TMEM178A: variants seen among roughly 807,000 people sequenced by gnomAD.
TMEM178A encodes transmembrane protein 178A, also known as transmembrane protein 178.
A neutral mutation model predicts 29.1 loss-of-function variants in TMEM178A; 12 were observed. That is an observed-to-expected ratio of 0.41 (90% CI 0.26 to 0.67). The LOEUF (loss-of-function observed/expected upper bound fraction) is 0.67, where lower values mean the gene tolerates loss of function less well. Ranked by LOEUF, TMEM178A falls within the 30% of genes least tolerant of loss-of-function variation. The probability of loss-of-function intolerance (pLI) is 0.29; values close to 1 mark genes in which losing one functional copy is unlikely to be tolerated. For missense variants in TMEM178A, 366 were observed against 419.1 expected (o/e 0.87, Z 1.11); for synonymous variants, 210 against 187.2 (o/e 1.12, Z -0.99).
At chr2:39,686,963 A>G (rs891406358) in intron 1 of TMEM178A, among the ~76,000 whole-genome samples, 1 of 120,258 alleles carries the variant, frequency 8.3e-6, no homozygotes, top group Non-Finnish European at 1.7e-5. Context: ...GCACATATGC[A>G]TGTGTGTGTG....
chr2:39,701,711 A>G (rs1385629533), intron 1 of TMEM178A, among the ~76,000 whole-genome samples: 1 of 152,044 alleles, frequency 6.6e-6, no homozygotes, highest in Non-Finnish European at 1.5e-5. Flanking sequence ...TGAGGCCCTG[A>G]CCATTTTTTA....
downstream of TMEM178A, among the ~76,000 whole-genome samples, chr2:39,721,708 A>C (rs1672709622): frequency 6.6e-6 from 1 of 152,154 alleles, no homozygotes; most frequent in Admixed American, 6.5e-5. Context: ...TAGGACTATC[A>C]GTTGGCCAGG....
intron 1 of TMEM178A, among the ~76,000 whole-genome samples, chr2:39,679,768 C>T (rs1670790048): frequency 6.6e-6 from 1 of 152,064 alleles, no homozygotes; most frequent in Admixed American, 6.6e-5. Flanking sequence ...TCCAGTAAAA[C>T]GGTTGCAATT....
At chr2:39,670,020 C>A (rs147900451) in intron 1 of TMEM178A, among the ~76,000 whole-genome samples, 1 of 152,300 alleles carries the variant, frequency 6.6e-6, no homozygotes, top group Non-Finnish European at 1.5e-5. Context: ...GCAGCACTGG[C>A]TAACTTTTGA....
intron 1 of TMEM178A, 128 bp from the exon 2 acceptor site, chr2:39,703,953 C>T (rs1461289233): frequency 7.6e-6 from 5 of 660,244 alleles, no homozygotes; most frequent in Non-Finnish European, 1.3e-5. Context: ...GTTTTTATTG[C>T]TCTGAATCAA....
the TMEM178A span, among the ~76,000 whole-genome samples, chr2:39,729,880 C>T: frequency 6.6e-6 from 1 of 152,168 alleles, no homozygotes; most frequent in Non-Finnish European, 1.5e-5. Context: ...AGGATCAGAT[C>T]CCAGCTTCTC....
Position 39,665,991 on chromosome 2 carries a change from T to C in TMEM178A, c.17T>C (p.Leu6Pro). 6 of 1,413,446 alleles carry C rather than the reference T, an allele frequency of 4.2e-6. No homozygotes were observed. The highest frequency in any genetic ancestry group is 5.5e-6 in the Non-Finnish European group (6 of 1,085,692). 87.6% of individuals were successfully genotyped at this position (1,413,446 alleles called of 1,614,324 possible). MEPRA[L>P]VTALSLGLSL... ...CGGGAAGCCATGGAGCCGCGGGCGC[T>C]CGTCACGGCGCTCAGCCTCGGCCTC... is the stretch of plus-strand genomic sequence containing the variant. The change falls in exon 1 of 4, where the codon CTC (leucine) becomes CCC (proline). Residue 6 changes from leucine to proline, a missense_variant. Coordinates refer to ENST00000281961, the MANE Select transcript of TMEM178A (RefSeq NM_152390.3).
chr2:39,690,139 G>A (rs1671251433), intron 1 of TMEM178A, among the ~76,000 whole-genome samples: 1 of 152,160 alleles, frequency 6.6e-6, no homozygotes. Context: ...AGAGAGGCAG[G>A]AGCTCACAAA....
At chr2:39,704,649 G>A (rs1261843591) in intron 2 of TMEM178A, among the ~76,000 whole-genome samples, 1 of 152,250 alleles carries the variant, frequency 6.6e-6, no homozygotes, top group Non-Finnish European at 1.5e-5. Context: ...TTTTCTCAGA[G>A]GGTGTCTACA....
At chr2:39,680,129 C>G (rs1027236552) in intron 1 of TMEM178A, among the ~76,000 whole-genome samples, 1 of 152,144 alleles carries the variant, frequency 6.6e-6, no homozygotes, top group African/African-American at 2.4e-5. Flanking sequence ...AGCTATGTGA[C>G]CTTGGCAAGT....
intron 1 of TMEM178A, among the ~76,000 whole-genome samples, chr2:39,672,648 A>G (rs535066188): frequency 1.3e-5 from 2 of 152,168 alleles, no homozygotes; most frequent in South Asian, 2.1e-4. Context: ...CTTTCACCTC[A>G]GCCTCCCAAG....
intron 1 of TMEM178A, among the ~76,000 whole-genome samples, chr2:39,667,299 A>T (rs1020977036): frequency 1.4e-5 from 2 of 148,094 alleles, no homozygotes; most frequent in African/African-American, 4.9e-5. Context: ...AAATCTGTGC[A>T]ACACCTGTCT....
chr2:39,722,010 AAAAAAAT>A (rs1166084472), downstream of TMEM178A, among the ~76,000 whole-genome samples: 1 of 150,752 alleles, frequency 6.6e-6, no homozygotes, highest in African/African-American at 2.4e-5. Flanking sequence ...AAAAAAAAAA[AAAAAAAT>A]CAGTGTTGCC....
chr2:39,680,880 A>G (rs987343125), intron 1 of TMEM178A, among the ~76,000 whole-genome samples: 54 of 152,212 alleles, frequency 3.5e-4, no homozygotes, highest in African/African-American at 1.2e-3. Flanking sequence ...TTTATTCAAA[A>G]GTTTTAGATA....
At chr2:39,700,135 T>C (rs1671719233) in intron 1 of TMEM178A, among the ~76,000 whole-genome samples, 1 of 152,152 alleles carries the variant, frequency 6.6e-6, no homozygotes, top group African/African-American at 2.4e-5. Flanking sequence ...TTGGATGGAG[T>C]GTTCATAGAT....
At chr2:39,677,736 GCTCCT>G (rs1011762863) in intron 1 of TMEM178A, among the ~76,000 whole-genome samples, 4 of 151,722 alleles carry the variant, frequency 2.6e-5, no homozygotes, top group African/African-American at 9.7e-5. Context: ...CCTGTGCTAG[GCTCCT>G]CTTGGACCTC....
At chr2:39,674,021 T>G (rs546810575) in intron 1 of TMEM178A, among the ~76,000 whole-genome samples, 55 of 152,264 alleles carry the variant, frequency 3.6e-4, no homozygotes, top group African/African-American at 1.3e-3. Flanking sequence ...TTTAACACCT[T>G]TTTTTAAGTT....
At chr2:39,705,002 A>G (rs1396908949) in intron 2 of TMEM178A, among the ~76,000 whole-genome samples, 2 of 152,218 alleles carry the variant, frequency 1.3e-5, no homozygotes, top group African/African-American at 4.8e-5. Context: ...AAACACATAA[A>G]TGGAAGCTCT....
At chr2:39,731,792 G>A in the TMEM178A span, among the ~76,000 whole-genome samples, 7 of 152,174 alleles carry the variant, frequency 4.6e-5, no homozygotes, top group Non-Finnish European at 7.3e-5. Context: ...ACATCTTGGC[G>A]AGAAGTCCTT....
Sources: gnomAD v4.1 joint callset for allele counts (sites outside exome capture counted in the v4.1 genomes callset) on GRCh38, gnomAD v4.1.1 for gene constraint, MANE v1.5 for transcripts, NCBI Gene and HGNC (gene_info 2026-07-23, HGNC 2026-07-21) for gene names.